The following ASAH1 variants were observed in gnomAD, a reference collection of about 807,000 sequenced individuals.
ASAH1 encodes N-acylsphingosine amidohydrolase 1.
In ASAH1, 70 loss-of-function variants were observed where a neutral mutation model predicts 59.5. That is an observed-to-expected ratio of 1.18 (90% CI 0.97 to 1.43). The LOEUF (loss-of-function observed/expected upper bound fraction) is 1.43, where lower values mean the gene tolerates loss of function less well. Among genes scored for constraint, ASAH1 ranks in the 40% most tolerant of loss-of-function variants. The pLI is 0.00. For synonymous variants in ASAH1, 213 were observed against 166.5 expected (o/e 1.28, Z -2.15); for missense variants, 660 against 482.5 (o/e 1.37, Z -3.45).
At chr8:18,066,636 A>G (rs1799940821) in intron 5 of ASAH1, 1 of 152,310 alleles carries the variant, frequency 6.6e-6, no homozygotes, top group African/African-American at 2.4e-5. Context: ...CTGATTGTCA[A>G]CTGCTGGAAT....
chr8:18,071,397 T>A lies in ASAH1; in HGVS notation c.126-7A>T, dbSNP rs771021569. On this transcript the variant is annotated splice_region_variant and splice_polypyrimidine_tract_variant and intron_variant, in intron 2 of 13. Coordinates refer to ENST00000637790, the MANE Select transcript of ASAH1 (RefSeq NM_177924.5). The stretch of plus-strand genomic sequence containing the variant: ...TGGAACTGCACCTCTGTACCTGTAA[T>A]GAGAGGTGTATCATCTTGAAATGAT... 1 of 1,547,118 alleles carries A rather than the reference T, an allele frequency of 6.5e-7. No homozygotes were observed. Among genetic ancestry groups the A allele is most frequent in the South Asian group, 1.1e-5 (1 of 87,392 alleles).
chr8:18,068,194 G>GA (rs1465176394), intron 4 of ASAH1: 1 of 152,106 alleles, frequency 6.6e-6, no homozygotes, highest in Non-Finnish European at 1.5e-5. Context: ...TCCCTGATGA[G>GA]AAAACTGAGG....
rs139530714 is a variant in ASAH1, at chr8:18,073,702, G to A, written c.125+1839C>T. On this transcript the variant is annotated intron_variant, in intron 2 of 13. Transcript: ENST00000637790. ...GCCCATGGATGCTGCCCAAATCTAC[G>A]CACTTAATTGAAAAGGATGATCTCA... Among the ~76,000 whole-genome samples, 23 of 152,198 alleles carry A rather than the reference G, an allele frequency of 1.5e-4. No individual in the cohort carries two copies. In the East Asian group the frequency reaches 3.9e-3, roughly 26 times the overall value.
intron 3 of ASAH1, 72 bp from the exon 4 acceptor site, chr8:18,069,950 T>C (rs998745543): frequency 1.2e-5 from 13 of 1,067,680 alleles, no homozygotes; most frequent in Admixed American, 5.6e-5. Flanking sequence ...GGCTTACCCA[T>C]ATGTAGCTAA....
chr8:18,059,309 GT>G (rs1564535295), intron 12 of ASAH1, 31 bp downstream of exon 12: 1 of 1,613,988 alleles, frequency 6.2e-7, no homozygotes, highest in South Asian at 1.1e-5. Context: ...AATGGCAACA[GT>G]TTCTTTCTAT....
chr8:18,065,281 T>A (rs373681360), intron 5 of ASAH1: 1 of 152,042 alleles, frequency 6.6e-6, no homozygotes, highest in Non-Finnish European at 1.5e-5. Context: ...CTATTTGGTA[T>A]TGAGTTGCTA....
intron 1 of ASAH1, 152 bp from the exon 2 acceptor site, chr8:18,075,739 C>T (rs1305863586): frequency 1.5e-6 from 1 of 684,222 alleles, no homozygotes; most frequent in East Asian, 2.7e-5. Context: ...TCTTTTCTTT[C>T]CAAGAAAACT....
In ASAH1 at chr8:18,057,562, T is replaced by A; in HGVS notation, c.1160A>T (p.Asp387Val). Reference sequence around the variant, plus strand: ...CCAACCTATACAAGGGTCAGGGCAGTCCCGCAGGTAAGTTTCGAATTGACC... The same window carrying A: ...CCAACCTATACAAGGGTCAGGGCAGACCCGCAGGTAAGTTTCGAATTGACC... ...TKGQFETYLR[D>V]CPDPCIGW Residue 387 changes from aspartate to valine, a missense_variant, in exon 14 of 14, where the codon GAC (aspartate) becomes GTC (valine). Asp to Val is a radical substitution (Grantham distance 152). Coordinates refer to ENST00000637790, the MANE Select transcript of ASAH1 (RefSeq NM_177924.5). 6.2e-7 allele frequency: 1 copy of A among 1,603,690 alleles called. No individual in the cohort carries two copies. Among genetic ancestry groups the A allele is most frequent in the South Asian group, 1.1e-5 (1 of 90,984 alleles).
chr8:18,059,166 C>A, intron 12 of ASAH1, 175 bp downstream of exon 12: 1 of 972,424 alleles, frequency 1.0e-6, no homozygotes, highest in Non-Finnish European at 1.5e-6. Context: ...GAAAGTACAG[C>A]ACAATTTTGC....
intron 13 of ASAH1, 168 bp downstream of exon 13, chr8:18,058,667 T>C (rs1440298675): frequency 1.6e-6 from 1 of 635,842 alleles, no homozygotes; most frequent in Non-Finnish European, 2.8e-6. Flanking sequence ...TTCTTTCTTG[T>C]ATTCCAAAAT....
chr8:18,057,519 A>T lies in ASAH1; in HGVS notation c.*15T>A. ...TCATGTCTCAGAGGCCGCATTCTGTAGGCCAGACGTGTGCTCACCAACCTA... is the reference window on the plus strand; with the variant it reads ...TCATGTCTCAGAGGCCGCATTCTGTTGGCCAGACGTGTGCTCACCAACCTA... On this transcript the variant is annotated 3_prime_UTR_variant, in exon 14 of 14. Coordinates refer to ENST00000637790, the MANE Select transcript of ASAH1 (RefSeq NM_177924.5). 1 of 1,580,514 alleles carries T rather than the reference A, an allele frequency of 6.3e-7. No homozygotes were observed. Among genetic ancestry groups the T allele is most frequent in the Non-Finnish European group, 8.7e-7 (1 of 1,154,786 alleles).
At chr8:18,079,145 T>G (rs1800537796) in intron 1 of ASAH1, among the ~76,000 whole-genome samples, 1 of 151,828 alleles carries the variant, frequency 6.6e-6, no homozygotes. Context: ...GGGTGGCATG[T>G]GCCTGTAATC....
intron 4 of ASAH1, chr8:18,068,245 T>C (rs1182761026): frequency 1.2e-4 from 19 of 152,274 alleles, no homozygotes; most frequent in African/African-American, 4.3e-4. Flanking sequence ...ACAAGGCTAG[T>C]ATGTGACTGA....
chr8:18,077,839 T>C (rs1327998774), intron 1 of ASAH1, among the ~76,000 whole-genome samples: 1 of 152,198 alleles, frequency 6.6e-6, no homozygotes, highest in African/African-American at 2.4e-5. Flanking sequence ...AGTTCTGCTG[T>C]GAGGAGATAC....
At chr8:18,084,351 G>A (rs1800803266), upstream of ASAH1, 1 of 1,413,164 alleles carries the variant, frequency 7.1e-7, no homozygotes, top group Admixed American at 2.9e-5. Context: ...CCCCACCGCG[G>A]GCAATAGTCG....
chr8:18,061,208 A>C, intron 10 of ASAH1, 169 bp downstream of exon 10: 1 of 582,846 alleles, frequency 1.7e-6, no homozygotes, highest in Non-Finnish European at 3.0e-6. Context: ...TAAAACACAC[A>C]GTCTGCACGA....
chr8:18,057,524 A>C lies in ASAH1; in HGVS notation c.*10T>G. 6.3e-7 allele frequency: 1 copy of C among 1,589,022 alleles called. No individual in the cohort carries two copies. Among genetic ancestry groups the C allele is most frequent in the Non-Finnish European group, 8.6e-7 (1 of 1,161,986 alleles). On this transcript the variant is annotated 3_prime_UTR_variant, in exon 14 of 14. Transcript: ENST00000637790. Reference sequence around the variant, plus strand: ...TCTCAGAGGCCGCATTCTGTAGGCCAGACGTGTGCTCACCAACCTATACAA... The same window carrying C: ...TCTCAGAGGCCGCATTCTGTAGGCCCGACGTGTGCTCACCAACCTATACAA...
At chr8:18,067,412 T>C (rs909266180) in intron 4 of ASAH1, 114 bp from the exon 5 acceptor site, 3 of 602,722 alleles carry the variant, frequency 5.0e-6, no homozygotes, top group African/African-American at 1.9e-5. Context: ...CTTGGACATA[T>C]AATTTTTTCT....
chr8:18,064,027 G>C (rs1191049980), intron 6 of ASAH1: 6 of 255,280 alleles, frequency 2.4e-5, no homozygotes, highest in Non-Finnish European at 3.7e-5. Context: ...AAAAATACGG[G>C]AAAGTGAGGC....
Sources: gnomAD v4.1 joint callset for allele counts (sites outside exome capture counted in the v4.1 genomes callset) on GRCh38, gnomAD v4.1.1 for gene constraint, MANE v1.5 for transcripts, NCBI Gene and HGNC (gene_info 2026-07-23, HGNC 2026-07-21) for gene names.